ROBO2: variants seen among roughly 807,000 people sequenced by gnomAD.
The protein encoded by ROBO2 is roundabout homolog 2.
A neutral mutation model predicts 160.8 loss-of-function variants in ROBO2; 53 were observed. The ratio of observed to expected loss-of-function variants is 0.33; its 90% confidence interval spans 0.26 to 0.41. ROBO2 has a LOEUF of 0.41. Among genes scored for constraint, ROBO2 ranks in the 10% least tolerant of loss-of-function variants. The pLI is 1.00. For synonymous variants in ROBO2, 664 were observed against 611.7 expected, an observed-to-expected ratio of 1.09 and a Z score of -1.26; for missense variants, 1,577 against 1,722.4, an observed-to-expected ratio of 0.92 and a Z score of 1.49.
At chr3:76,747,358 A>G (rs1211208812) in intron 2 of ROBO2, among the ~76,000 whole-genome samples, 1 of 151,992 alleles carries the variant, frequency 6.6e-6, no homozygotes, top group South Asian at 2.1e-4. Context: ...GTGTAAAGGT[A>G]TTTTTACTGA....
chr3:77,270,807 G>A (rs12634382), intron 2 of ROBO2, among the ~76,000 whole-genome samples: 1 of 152,198 alleles, frequency 6.6e-6, no homozygotes, highest in East Asian at 1.9e-4. Flanking sequence ...GCTGTGCATG[G>A]TGGCTTGCGC....
At chr3:77,405,901 A>C (rs2076215828) in intron 2 of ROBO2, among the ~76,000 whole-genome samples, 1 of 152,240 alleles carries the variant, frequency 6.6e-6, no homozygotes, top group African/African-American at 2.4e-5. Flanking sequence ...CCTGTATGTC[A>C]TGAAAAGATA....
chr3:77,104,151 T>C (rs1346980469), intron 2 of ROBO2, among the ~76,000 whole-genome samples: 1 of 152,166 alleles, frequency 6.6e-6, no homozygotes. Context: ...AACACTATAA[T>C]CAAATTTAGA....
intron 20 of ROBO2, among the ~76,000 whole-genome samples, chr3:77,603,429 C>G (rs1249061755): frequency 6.6e-6 from 1 of 151,990 alleles, no homozygotes; most frequent in East Asian, 1.9e-4. Flanking sequence ...TGGAGTAGTT[C>G]ATAATATTAG....
At chr3:76,276,551 A>T (rs142373632) in intron 2 of ROBO2, among the ~76,000 whole-genome samples, 4,869 of 152,166 alleles carry the variant, frequency 0.032, 96 homozygotes, top group South Asian at 0.078. Flanking sequence ...CCATATTGGA[A>T]TTGGAATTTT....
intron 2 of ROBO2, among the ~76,000 whole-genome samples, chr3:77,223,384 TAGG>T (rs77831754): frequency 0.028 from 4,187 of 152,222 alleles, 63 homozygotes; most frequent in Middle Eastern, 0.054. Context: ...CTTATTTTCC[TAGG>T]AGAAGAGAAC....
intron 2 of ROBO2, among the ~76,000 whole-genome samples, chr3:76,007,773 C>A (rs2066066242): frequency 6.6e-6 from 1 of 152,090 alleles, no homozygotes; most frequent in Admixed American, 6.6e-5. Context: ...TAAGAAAAAT[C>A]TGTTTAAAAT....
intron 2 of ROBO2, among the ~76,000 whole-genome samples, chr3:76,298,246 G>T (rs897216124): frequency 6.6e-6 from 1 of 152,106 alleles, no homozygotes; most frequent in Non-Finnish European, 1.5e-5. Flanking sequence ...AGTTATAATG[G>T]ATTGTACAAG....
At chr3:76,998,613 C>T (rs1328406168) in intron 2 of ROBO2, among the ~76,000 whole-genome samples, 1 of 152,120 alleles carries the variant, frequency 6.6e-6, no homozygotes. Flanking sequence ...GTAATAGTTA[C>T]TTTAAACAAA....
chr3:76,202,022 G>C (rs1431347939), intron 2 of ROBO2, among the ~76,000 whole-genome samples: 1 of 152,006 alleles, frequency 6.6e-6, no homozygotes. Context: ...GATGAAAATG[G>C]AACAAATAGG....
chr3:76,791,308 T>G (rs2063335221), intron 2 of ROBO2, among the ~76,000 whole-genome samples: 2 of 151,816 alleles, frequency 1.3e-5, no homozygotes, highest in African/African-American at 4.8e-5. Flanking sequence ...GGTCCACAAC[T>G]ATCCTTGCCT....
At chr3:76,864,767 T>C (rs977468707) in intron 2 of ROBO2, among the ~76,000 whole-genome samples, 1 of 152,104 alleles carries the variant, frequency 6.6e-6, no homozygotes, top group African/African-American at 2.4e-5. Context: ...AAGGTATGTA[T>C]ATATGGGCAT....
chr3:77,592,785 C>T (rs1032857146), intron 17 of ROBO2, among the ~76,000 whole-genome samples: 1 of 152,128 alleles, frequency 6.6e-6, no homozygotes, highest in African/African-American at 2.4e-5. Context: ...CTCCTGACCT[C>T]GTGATCCACC....
chr3:76,296,245 T>A (rs1287627569), intron 2 of ROBO2, among the ~76,000 whole-genome samples: 1 of 152,024 alleles, frequency 6.6e-6, no homozygotes, highest in Non-Finnish European at 1.5e-5. Flanking sequence ...GATTCCCTCC[T>A]AAAGCCCCAG....
intron 2 of ROBO2, among the ~76,000 whole-genome samples, chr3:77,304,120 C>T (rs1388572188): frequency 6.6e-6 from 1 of 152,160 alleles, no homozygotes; most frequent in African/African-American, 2.4e-5. Context: ...CTAGTGTCCA[C>T]TTTCCTTCAG....
chr3:77,193,328 T>G (rs2082035416), intron 2 of ROBO2, among the ~76,000 whole-genome samples: 1 of 152,002 alleles, frequency 6.6e-6, no homozygotes, highest in Non-Finnish European at 1.5e-5. Context: ...CAGACCAGGT[T>G]GTAGTGCAGT....
chr3:76,477,622 A>G (rs1286029650), intron 2 of ROBO2, among the ~76,000 whole-genome samples: 1 of 152,140 alleles, frequency 6.6e-6, no homozygotes, highest in Non-Finnish European at 1.5e-5. Flanking sequence ...TTTTAAAAAA[A>G]TTTTAAAAGG....
chr3:76,957,434 A>C (rs193264153), intron 2 of ROBO2, among the ~76,000 whole-genome samples: 8 of 152,248 alleles, frequency 5.3e-5, no homozygotes, highest in African/African-American at 1.9e-4. Context: ...GATTGACGCT[A>C]TCTTACAGTG....
intron 2 of ROBO2, among the ~76,000 whole-genome samples, chr3:77,429,027 C>G (rs2153539803): frequency 6.6e-6 from 1 of 152,264 alleles, no homozygotes; most frequent in Admixed American, 6.5e-5. Context: ...AAAGTTAGAT[C>G]AGCTAAACAA....
Sources: gnomAD v4.1 joint callset for allele counts (sites outside exome capture counted in the v4.1 genomes callset) on GRCh38, gnomAD v4.1.1 for gene constraint, MANE v1.5 for transcripts, NCBI Gene and HGNC (gene_info 2026-07-23, HGNC 2026-07-21) for gene names.